SLC4A4: variants seen among roughly 807,000 people sequenced by gnomAD.
The protein encoded by SLC4A4 is electrogenic sodium bicarbonate cotransporter 1.
SLC4A4 carries 27 observed loss-of-function variants against 111.5 expected under a neutral mutation model. The ratio of observed to expected loss-of-function variants is 0.24; its 90% CI spans 0.18 to 0.33. SLC4A4 has a LOEUF of 0.33. Ranked by LOEUF, SLC4A4 falls within the 10% of genes least tolerant of loss-of-function variation. The pLI, the probability that SLC4A4 is intolerant of heterozygous loss-of-function variation, is 1.00. For missense variants in SLC4A4, 909 were observed against 1,315.5 expected, an observed-to-expected ratio of 0.69 and a Z score of 4.78; for synonymous variants, 443 against 463.4, an observed-to-expected ratio of 0.96 and a Z score of 0.57.
chr4:71,177,855 C>T (rs769480082), intron 2 of SLC4A4, among the ~76,000 whole-genome samples: 6 of 152,178 alleles, frequency 3.9e-5, no homozygotes, highest in Non-Finnish European at 7.3e-5. Context: ...GAACTCTCCA[C>T]CCCAAATCAA....
At chr4:71,252,649 A>C (rs1390145493) in intron 2 of SLC4A4, among the ~76,000 whole-genome samples, 6 of 152,190 alleles carry the variant, frequency 3.9e-5, no homozygotes, top group African/African-American at 1.4e-4. Flanking sequence ...GTCTACAAAA[A>C]GTTCATTGCC....
intron 7 of SLC4A4, among the ~76,000 whole-genome samples, chr4:71,440,289 A>G (rs879541204): frequency 1.3e-5 from 2 of 152,102 alleles, no homozygotes; most frequent in African/African-American, 2.4e-5. Flanking sequence ...TGCCTGGCTT[A>G]TAGTAGATTT....
At chr4:71,415,060 C>T (rs1171813268) in intron 7 of SLC4A4, among the ~76,000 whole-genome samples, 1 of 152,202 alleles carries the variant, frequency 6.6e-6, no homozygotes, top group African/African-American at 2.4e-5. Flanking sequence ...CACCCATGCT[C>T]ACCTCAGTCT....
At chr4:71,176,954 A>T (rs1745113348) in intron 2 of SLC4A4, among the ~76,000 whole-genome samples, 2 of 152,246 alleles carry the variant, frequency 1.3e-5, no homozygotes. Flanking sequence ...CACAAAGGGA[A>T]GCCCATCAGA....
intron 22 of SLC4A4, 77 bp from the exon 23 acceptor site, chr4:71,560,016 T>A (rs1221541585): frequency 8.8e-7 from 1 of 1,141,816 alleles, no homozygotes; most frequent in Admixed American, 1.7e-5. Context: ...CTGTGGTCTT[T>A]GATAGGAGAG....
intron 6 of SLC4A4, among the ~76,000 whole-genome samples, chr4:71,393,581 A>C (rs1423592386): frequency 6.6e-6 from 1 of 152,070 alleles, no homozygotes; most frequent in African/African-American, 2.4e-5. Context: ...TGAAAATGAC[A>C]GTACTGTCAA....
intron 3 of SLC4A4, among the ~76,000 whole-genome samples, chr4:71,312,727 T>A (rs893704959): frequency 1.3e-5 from 2 of 152,190 alleles, no homozygotes; most frequent in Non-Finnish European, 2.9e-5. Context: ...CAACACCCCT[T>A]CATACTAAAA....
chr4:71,399,167 T>C (rs917743842), intron 7 of SLC4A4, among the ~76,000 whole-genome samples: 2 of 152,210 alleles, frequency 1.3e-5, no homozygotes, highest in Non-Finnish European at 2.9e-5. Context: ...GTCTTTAGCA[T>C]TGTCCAATTT....
chr4:71,275,539 C>T (rs1165593189), intron 3 of SLC4A4, among the ~76,000 whole-genome samples: 1 of 152,168 alleles, frequency 6.6e-6, no homozygotes, highest in Non-Finnish European at 1.5e-5. Context: ...TTCAAGGTTT[C>T]AAGGTAGTAA....
rs1476004842 is a variant in SLC4A4, at chr4:71,092,173, T to C, written c.-64-557T>C. Among the ~76,000 whole-genome samples the C allele has an allele frequency of 3.3e-5, 5 of 152,200 alleles. No individual in the cohort carries two copies. The East Asian group carries it at 9.6e-4, about 29-fold the overall frequency. ...TAAGGGATGCAAGATAATGTAAACA[T>C]GTAAACAGGAACTGGCAAACTGTTC... On this transcript the variant is annotated intron_variant, in intron 1 of 26. Transcript: ENST00000649996.
chr4:71,358,204 A>G (rs1730457376), intron 6 of SLC4A4, among the ~76,000 whole-genome samples: 1 of 151,952 alleles, frequency 6.6e-6, no homozygotes, highest in Non-Finnish European at 1.5e-5. Context: ...TGTCCCAGCT[A>G]CTTGGGAGGG....
chr4:71,418,690 C>A (rs531773651), intron 7 of SLC4A4, among the ~76,000 whole-genome samples: 1 of 152,206 alleles, frequency 6.6e-6, no homozygotes, highest in Non-Finnish European at 1.5e-5. Context: ...TAGTAATTAT[C>A]CCAGGGGTTT....
chr4:71,346,335 A>T (rs1729326668), intron 4 of SLC4A4, among the ~76,000 whole-genome samples: 1 of 152,150 alleles, frequency 6.6e-6, no homozygotes, highest in South Asian at 2.1e-4. Flanking sequence ...CTTCTGAAAC[A>T]AATTTTTCTG....
intron 16 of SLC4A4, among the ~76,000 whole-genome samples, chr4:71,512,098 C>T (rs577603650): frequency 1.3e-5 from 2 of 152,174 alleles, no homozygotes; most frequent in East Asian, 3.9e-4. Context: ...GATTTCCTAT[C>T]CCTTTGATAT....
chr4:71,241,012 A>T (rs1186126207), intron 2 of SLC4A4, among the ~76,000 whole-genome samples: 4 of 151,986 alleles, frequency 2.6e-5, no homozygotes, highest in Admixed American at 2.6e-4. Flanking sequence ...CCAGCTACTC[A>T]GGAGGTTGAG....
rs1262606950 is a variant in SLC4A4 at position 71,102,008 on chromosome 4, A to G, written c.-2+9216A>G. Among the ~76,000 whole-genome samples, 4 of 150,972 alleles carry G rather than the reference A, an allele frequency of 2.6e-5. No homozygotes were observed. In the East Asian group the frequency reaches 7.8e-4, roughly 29 times the overall value. ...AGGACATTCAAACCAAAGGCAAAGAAGTTGAAAACTTTGAAAAAAAATTAG... is the reference window on the plus strand; with the variant it reads ...AGGACATTCAAACCAAAGGCAAAGAGGTTGAAAACTTTGAAAAAAAATTAG... On this transcript the variant is annotated intron_variant, in intron 2 of 26. Transcript: ENST00000649996.
At chr4:71,147,276 T>C (rs916497257) in intron 2 of SLC4A4, among the ~76,000 whole-genome samples, 10 of 152,138 alleles carry the variant, frequency 6.6e-5, no homozygotes, top group African/African-American at 2.4e-4. Flanking sequence ...TCCTCTTAAA[T>C]TTCTTTATTT....
intron 1 of SLC4A4, among the ~76,000 whole-genome samples, chr4:71,072,898 G>A (rs935476363): frequency 6.6e-6 from 1 of 152,058 alleles, no homozygotes; most frequent in African/African-American, 2.4e-5. Context: ...CTCCTGAGAA[G>A]CTGGGGCTAA....
At chr4:71,525,537 G>A (rs1437027388) in intron 16 of SLC4A4, among the ~76,000 whole-genome samples, 1 of 151,916 alleles carries the variant, frequency 6.6e-6, no homozygotes, top group Admixed American at 6.6e-5. Flanking sequence ...ATCTTAATTT[G>A]TGTTCTCTTA....
Sources: allele counts gnomAD v4.1 joint callset (sites outside exome capture counted in the v4.1 genomes callset), GRCh38; gene constraint gnomAD v4.1.1; transcripts MANE v1.5; gene names NCBI Gene and HGNC (gene_info 2026-07-23, HGNC 2026-07-21).